Variants in RIC8B observed in about 807,000 individuals in gnomAD.
The protein encoded by RIC8B is RIC8 guanine nucleotide exchange factor B, also known as chaperone Ric-8B.
RIC8B carries 16 observed loss-of-function variants against 57.5 expected under a neutral mutation model. That is an observed-to-expected ratio of 0.28 (90% confidence interval 0.19 to 0.42). RIC8B has a LOEUF of 0.42. Among genes scored for constraint, RIC8B ranks in the 10% least tolerant of loss-of-function variants. The probability of loss-of-function intolerance (pLI) is 1.00; values close to 1 mark genes in which losing one functional copy is unlikely to be tolerated. For missense variants in RIC8B, 481 were observed against 677.0 expected, an observed-to-expected ratio of 0.71 and a Z score of 3.21; for synonymous variants, 216 against 250.8, an observed-to-expected ratio of 0.86 and a Z score of 1.31.
At chr12:106,807,946 G>T (rs903077351) in intron 2 of RIC8B, among the ~76,000 whole-genome samples, 1 of 152,026 alleles carries the variant, frequency 6.6e-6, no homozygotes, top group African/African-American at 2.4e-5. Flanking sequence ...TTAGTGGGGT[G>T]TGGTGGCACG....
At chr12:106,819,888 A>G (rs1023953869) in intron 3 of RIC8B, among the ~76,000 whole-genome samples, 5 of 151,708 alleles carry the variant, frequency 3.3e-5, no homozygotes, top group Non-Finnish European at 7.4e-5. Context: ...CCTTTTGAAG[A>G]CACTTAGATT....
At chr12:106,856,716 G>T (rs1949729010) in intron 7 of RIC8B, among the ~76,000 whole-genome samples, 1 of 152,010 alleles carries the variant, frequency 6.6e-6, no homozygotes, top group Non-Finnish European at 1.5e-5. Flanking sequence ...TTTCCTTTAG[G>T]TCGGAGATCA....
At chr12:106,805,996 C>T (rs968636919) in intron 2 of RIC8B, among the ~76,000 whole-genome samples, 1 of 152,108 alleles carries the variant, frequency 6.6e-6, no homozygotes, top group African/African-American at 2.4e-5. Context: ...GTTGCCCAGG[C>T]TGGAGTGCAA....
At chr12:106,807,412 C>G (rs1396708840) in intron 2 of RIC8B, among the ~76,000 whole-genome samples, 1 of 152,220 alleles carries the variant, frequency 6.6e-6, no homozygotes, top group Non-Finnish European at 1.5e-5. Flanking sequence ...TTCAAGTCGT[C>G]AAGTCATGCT....
At chr12:106,850,720 T>G (rs1199921895) in intron 6 of RIC8B, among the ~76,000 whole-genome samples, 1 of 152,146 alleles carries the variant, frequency 6.6e-6, no homozygotes, top group Admixed American at 6.6e-5. Flanking sequence ...TAGAAAGTAC[T>G]AAAAAATTAA....
At chr12:106,817,174 G>A (rs1365939675) in intron 3 of RIC8B, among the ~76,000 whole-genome samples, 1 of 152,142 alleles carries the variant, frequency 6.6e-6, no homozygotes, top group African/African-American at 2.4e-5. Flanking sequence ...ATGGTCAATT[G>A]CTAGACATAA....
At position 106,870,804 on chromosome 12, in the gene RIC8B, CT is replaced by C. The variant is rs1220436329; in HGVS notation, c.1452-11del. On this transcript the variant is annotated intron_variant, in intron 8 of 9. Coordinates refer to ENST00000392837, the MANE Select transcript of RIC8B (RefSeq NM_001330145.2). Reference sequence around the variant, plus strand: ...CATAATTTTAAAACATACAGCATAACTTTTTTTTCTTTTTGTAGCATTAATC... The same window carrying C: ...CATAATTTTAAAACATACAGCATAACTTTTTTTCTTTTTGTAGCATTAATC... 14 of 1,482,766 alleles carry C rather than the reference CT, an allele frequency of 9.4e-6. No homozygotes were observed. Among genetic ancestry groups the C allele is most frequent in the South Asian group, 1.4e-5 (1 of 72,350 alleles). The allele number at this position is 1,482,766 out of a possible 1,614,324, so 91.9% of individuals were successfully genotyped here. A position where few individuals can be genotyped will look rare whatever the true frequency, so the allele number is the denominator to read the frequency against.
chr12:106,800,369 G>T (rs942464664), intron 2 of RIC8B, among the ~76,000 whole-genome samples: 4 of 152,108 alleles, frequency 2.6e-5, no homozygotes, highest in African/African-American at 7.2e-5. Context: ...GAGAGAGAAG[G>T]GGGAGATGCT....
intron 2 of RIC8B, among the ~76,000 whole-genome samples, chr12:106,789,628 A>G (rs1449242769): frequency 1.3e-5 from 2 of 152,114 alleles, no homozygotes; most frequent in African/African-American, 4.8e-5. Context: ...TACCACGAGA[A>G]CAGTATGGGG....
chr12:106,875,274 AT>A (rs1157657993), intron 9 of RIC8B, among the ~76,000 whole-genome samples: 1 of 152,130 alleles, frequency 6.6e-6, no homozygotes, highest in East Asian at 1.9e-4. Context: ...CTCATTTGAC[AT>A]TTTTTAATGT....
chr12:106,782,329 A>T (rs1313884824), intron 1 of RIC8B, among the ~76,000 whole-genome samples: 2 of 152,132 alleles, frequency 1.3e-5, no homozygotes, highest in Non-Finnish European at 2.9e-5. Context: ...GAATATTTTT[A>T]TGTCTTCTAA....
chr12:106,781,068 T>C (rs1236660338), intron 1 of RIC8B, among the ~76,000 whole-genome samples: 2 of 152,196 alleles, frequency 1.3e-5, no homozygotes, highest in Admixed American at 1.3e-4. Context: ...CATAATAGTC[T>C]GGTGTGTCAC....
At chr12:106,840,485 CT>C (rs767856304) in intron 4 of RIC8B, among the ~76,000 whole-genome samples, 358 of 152,276 alleles carry the variant, frequency 2.4e-3, no homozygotes, top group Non-Finnish European at 3.1e-3. Context: ...TAGTCACTGA[CT>C]TCCTGGTAGC....
intron 7 of RIC8B, among the ~76,000 whole-genome samples, chr12:106,852,650 C>T (rs1949523052): frequency 6.6e-6 from 1 of 152,170 alleles, no homozygotes; most frequent in South Asian, 2.1e-4. Context: ...AGCAACCTGC[C>T]ACCTGAGAGC....
intron 2 of RIC8B, among the ~76,000 whole-genome samples, chr12:106,792,200 C>A (rs2044287185): frequency 6.6e-6 from 1 of 152,148 alleles, no homozygotes; most frequent in Non-Finnish European, 1.5e-5. Flanking sequence ...TGACTTAGGT[C>A]TGGGTTGTAT....
intron 9 of RIC8B, among the ~76,000 whole-genome samples, chr12:106,872,690 A>AAAAC (rs1555264196): frequency 6.6e-6 from 1 of 150,978 alleles, no homozygotes; most frequent in African/African-American, 2.4e-5. Flanking sequence ...AAAAAAACAA[A>AAAAC]CCCGACAGAG....
intron 2 of RIC8B, among the ~76,000 whole-genome samples, chr12:106,785,809 CTCTCTGTGTGTGTGTG>C (rs1234256540): frequency 1.7e-4 from 22 of 128,226 alleles, no homozygotes; most frequent in African/African-American, 4.8e-4. Flanking sequence ...CTCTCTCTCT[CTCTCTGTGTGTGTGTG>C]TGTGTGTGTG....
At chr12:106,865,266 T>A (rs1025018627) in intron 8 of RIC8B, among the ~76,000 whole-genome samples, 12 of 152,124 alleles carry the variant, frequency 7.9e-5, no homozygotes, top group Non-Finnish European at 1.0e-4. Flanking sequence ...TCACAACACT[T>A]ATTATTTTCT....
intron 6 of RIC8B, among the ~76,000 whole-genome samples, chr12:106,847,315 T>C (rs1949243176): frequency 6.6e-6 from 1 of 152,184 alleles, no homozygotes; most frequent in South Asian, 2.1e-4. Context: ...AAAATTTGTT[T>C]TAAGGAACCA....
Sources: allele counts gnomAD v4.1 joint callset (sites outside exome capture counted in the v4.1 genomes callset), GRCh38; gene constraint gnomAD v4.1.1; transcripts MANE v1.5; gene names NCBI Gene and HGNC (gene_info 2026-07-23, HGNC 2026-07-21).